Variants in RALGAPA2 observed in about 807,000 individuals in gnomAD.
RALGAPA2 encodes the protein Ral GTPase activating protein catalytic subunit alpha 2.
RALGAPA2 carries 139 observed loss-of-function variants against 230.4 expected under a neutral mutation model. The ratio of observed to expected loss-of-function variants is 0.60; its 90% CI spans 0.53 to 0.69. RALGAPA2 has a LOEUF of 0.69. Ranked by LOEUF, RALGAPA2 falls within the 30% of genes least tolerant of loss-of-function variation. RALGAPA2 has a pLI of 0.00. For missense variants in RALGAPA2, 2,163 were observed against 2,276.0 expected (o/e 0.95, Z 1.01); for synonymous variants, 847 against 837.8 (o/e 1.01, Z -0.19).
intron 5 of RALGAPA2, 53 bp from the exon 6 acceptor site, chr20:20,640,931 C>A: frequency 6.8e-7 from 1 of 1,462,498 alleles, no homozygotes; most frequent in South Asian, 1.2e-5. Context: ...TACAGAAATG[C>A]ATTACAATGT....
Position 20,696,144 on chromosome 20 carries a change from T to C in RALGAPA2, c.107-15343A>G, listed in dbSNP as rs188332253. On this transcript the variant is annotated intron_variant, in intron 1 of 39. Coordinates refer to ENST00000202677, the MANE Select transcript of RALGAPA2 (RefSeq NM_020343.4). ...CTTTCCTGTCCCACTGGCCACAAAG[T>C]GTTTCCGTCCTGTCTTCTCATCACT... is the stretch of plus-strand genomic sequence containing the variant. Among the ~76,000 whole-genome samples the C allele has an allele frequency of 3.0e-3, 461 of 152,252 alleles. 2 individuals carry two copies. Among genetic ancestry groups the C allele is most frequent in the African/African-American group, 0.011 (441 of 41,542 alleles).
chr20:20,528,583 G>C (rs993773319), intron 27 of RALGAPA2, among the ~76,000 whole-genome samples: 1 of 152,144 alleles, frequency 6.6e-6, no homozygotes, highest in African/African-American at 2.4e-5. Flanking sequence ...GAGCAGGGCT[G>C]GGCAGTTCAC....
intron 37 of RALGAPA2, among the ~76,000 whole-genome samples, chr20:20,431,998 T>A (rs892041546): frequency 3.3e-5 from 5 of 152,182 alleles, no homozygotes; most frequent in African/African-American, 7.2e-5. Flanking sequence ...GATAAATGGG[T>A]TATACATCAG....
chr20:20,627,684 G>A (rs1418455395), intron 10 of RALGAPA2, among the ~76,000 whole-genome samples: 1 of 152,260 alleles, frequency 6.6e-6, no homozygotes, highest in East Asian at 1.9e-4. Context: ...GAGGGCCCTT[G>A]AAGCTGTGCT....
chr20:20,413,511 T>C (rs1004694846), intron 37 of RALGAPA2, among the ~76,000 whole-genome samples: 1 of 152,178 alleles, frequency 6.6e-6, no homozygotes, highest in African/African-American at 2.4e-5. Flanking sequence ...GGATATCTCA[T>C]TTTAAATCTG....
chr20:20,696,097 T>C (rs200311736), intron 1 of RALGAPA2, among the ~76,000 whole-genome samples: 1 of 152,148 alleles, frequency 6.6e-6, no homozygotes, highest in East Asian at 1.9e-4. Flanking sequence ...GTGGGCCCAT[T>C]ACATGGCCCA....
At chr20:20,551,286 A>G (rs553064651) in intron 23 of RALGAPA2, among the ~76,000 whole-genome samples, 1 of 152,350 alleles carries the variant, frequency 6.6e-6, no homozygotes, top group African/African-American at 2.4e-5. Context: ...TGGAATCTAA[A>G]ATAAAATGAG....
intron 3 of RALGAPA2, among the ~76,000 whole-genome samples, chr20:20,664,524 G>A (rs139518511): frequency 6.6e-6 from 1 of 152,234 alleles, no homozygotes; most frequent in East Asian, 1.9e-4. Context: ...TTCAAAAGGA[G>A]TCTTCTTCTC....
At chr20:20,658,996 A>G (rs971593674) in intron 3 of RALGAPA2, among the ~76,000 whole-genome samples, 4 of 152,228 alleles carry the variant, frequency 2.6e-5, no homozygotes, top group Non-Finnish European at 5.9e-5. Flanking sequence ...CTGAAAGCAG[A>G]GTGTGGGGAG....
At chr20:20,700,741 T>C (rs1040275098) in intron 1 of RALGAPA2, among the ~76,000 whole-genome samples, 9 of 152,222 alleles carry the variant, frequency 5.9e-5, no homozygotes, top group Admixed American at 5.9e-4. Context: ...CTTATATCTA[T>C]TCCCCTTAGA....
chr20:20,677,380 G>T (rs529893627), intron 2 of RALGAPA2, among the ~76,000 whole-genome samples: 2 of 152,142 alleles, frequency 1.3e-5, no homozygotes, highest in South Asian at 4.1e-4. Context: ...CGGAAATTTA[G>T]GGGAGGTGTA....
In RALGAPA2 at chr20:20,500,687, T is replaced by C. The variant is rs537674867; in HGVS notation, c.5208+2664A>G. Among the ~76,000 whole-genome samples the C allele has an allele frequency of 7.9e-5, 12 of 152,350 alleles. No individual in the cohort carries two copies. In the South Asian group the frequency reaches 2.5e-3, roughly 32 times the overall value. On this transcript the variant is annotated intron_variant, in intron 35 of 39. Coordinates refer to ENST00000202677, the MANE Select transcript of RALGAPA2 (RefSeq NM_020343.4). ...TGATATCTTGATCTGTTCCCATGAA[T>C]CACGAATGTTCCTAATGGCATCTAG...
chr20:20,442,979 T>C (rs1274399613), intron 37 of RALGAPA2, among the ~76,000 whole-genome samples: 3 of 152,208 alleles, frequency 2.0e-5, no homozygotes, highest in Non-Finnish European at 4.4e-5. Flanking sequence ...TACGCTAGCA[T>C]AGCCTTTGAA....
intron 23 of RALGAPA2, among the ~76,000 whole-genome samples, chr20:20,570,227 C>A (rs189320360): frequency 2.6e-5 from 4 of 152,062 alleles, no homozygotes; most frequent in Non-Finnish European, 5.9e-5. Context: ...CTCACTAGGA[C>A]AGTATGGTTA....
Position 20,611,381 on chromosome 20 carries a change from C to T in RALGAPA2, c.1734G>A (p.Met578Ile), listed in dbSNP as rs373411060. 4.6e-5 allele frequency: 75 copies of T among 1,613,540 alleles called. No homozygotes were observed. The highest frequency in any genetic ancestry group is 6.1e-5 in the Non-Finnish European group (72 of 1,179,666). The change falls in exon 14 of 40, where the codon ATG becomes ATA. Residue 578 changes from methionine to isoleucine, a missense_variant. Transcript: ENST00000202677. ...TTATTTGTTTATCCTTTGGCTTCTG[C>T]ATGACAGCTTCTGTTATCCTGAGTA... The part of the protein sequence containing the change: ...QILLRITEAV[M>I]QKPKDKQIKD...
chr20:20,662,372 C>T (rs934846138), intron 3 of RALGAPA2, among the ~76,000 whole-genome samples: 6 of 151,240 alleles, frequency 4.0e-5, no homozygotes, highest in East Asian at 1.9e-4. Flanking sequence ...ATTATATAAA[C>T]GAAAAATAAT....
chr20:20,630,077 T>C (rs2066620579), intron 9 of RALGAPA2, among the ~76,000 whole-genome samples: 2 of 152,218 alleles, frequency 1.3e-5, no homozygotes, highest in African/African-American at 2.4e-5. Context: ...ATCTTTAAAG[T>C]GTATTTTATC....
intron 1 of RALGAPA2, among the ~76,000 whole-genome samples, chr20:20,697,953 G>A (rs146876033): frequency 5.9e-5 from 9 of 152,190 alleles, no homozygotes; most frequent in African/African-American, 1.4e-4. Flanking sequence ...GTTTAGTTAC[G>A]TATGTCATTA....
At chr20:20,637,783 T>C (rs1485804728) in intron 7 of RALGAPA2, among the ~76,000 whole-genome samples, 1 of 152,232 alleles carries the variant, frequency 6.6e-6, no homozygotes, top group East Asian at 1.9e-4. Flanking sequence ...ATCATGCCCA[T>C]ATTTTTTCTC....
Sources: gnomAD v4.1 joint callset for allele counts (sites outside exome capture counted in the v4.1 genomes callset) on GRCh38, gnomAD v4.1.1 for gene constraint, MANE v1.5 for transcripts, NCBI Gene and HGNC (gene_info 2026-07-23, HGNC 2026-07-21) for gene names.